Variants in ZNF85 observed in about 807,000 individuals in gnomAD.
The protein encoded by ZNF85 is zinc finger protein 85 (HPF4, HTF1).
A neutral mutation model predicts 53.9 loss-of-function variants in ZNF85; 50 were observed. The observed-to-expected ratio is 0.93, with a 90% CI of 0.74 to 1.17. ZNF85 has a LOEUF of 1.17. ZNF85 is among the 50% of genes most tolerant of loss of function. The pLI, the probability that ZNF85 is intolerant of heterozygous loss-of-function variation, is 0.00. For missense variants in ZNF85, 747 were observed against 688.5 expected (o/e 1.08, Z -0.95); for synonymous variants, 225 against 226.1 (o/e 1.00, Z 0.04).
chr19:20,936,240 A>C (rs893067927), intron 3 of ZNF85, among the ~76,000 whole-genome samples: 24 of 151,940 alleles, frequency 1.6e-4, no homozygotes, highest in Non-Finnish European at 2.5e-4. Context: ...TATATGATCT[A>C]CAACCAGCAA....
intron 3 of ZNF85, among the ~76,000 whole-genome samples, chr19:20,940,166 G>T (rs1165842289): frequency 6.7e-6 from 1 of 149,486 alleles, no homozygotes; most frequent in Non-Finnish European, 1.5e-5. Context: ...ATTCTATATT[G>T]TTTTCAGTTT....
Position 20,949,765 on chromosome 19 carries a change from GAT to G in ZNF85, c.1253_1254del (p.Ile418AsnfsTer11). 6.2e-7 allele frequency: 1 copy of G among 1,611,732 alleles called. No individual in the cohort carries two copies. The highest frequency in any genetic ancestry group is 8.5e-7 in the Non-Finnish European group (1 of 1,179,018). On this transcript the variant is annotated frameshift_variant, in exon 4 of 4. Transcript: ENST00000328178. LOFTEE classifies it high-confidence loss of function. ...KHSSTLTKHK[I>X]IHTGEKPYKC... ...ACTCTTCAACCCTTACTAAACATAA[GAT>G]AATTCATACTGGAGAGAAGCCTTAC...
At chr19:20,930,147 T>G (rs950052521) in intron 1 of ZNF85, among the ~76,000 whole-genome samples, 3 of 82,054 alleles carry the variant, frequency 3.7e-5, no homozygotes, top group Admixed American at 1.2e-4. Context: ...AAAAAAGAAA[T>G]CAGAGTTTTT....
chr19:20,923,301 T>A lies in ZNF85; in HGVS notation c.-100T>A. 6.3e-7 allele frequency: 1 copy of A among 1,582,670 alleles called. No individual in the cohort carries two copies. ...GCTCTAGGTCTTGTTTTCCCTGCTT[T>A]GTGTTTTCTGCTCGTGGACGCCCAG... is the stretch of plus-strand genomic sequence containing the variant. On this transcript the variant is annotated 5_prime_UTR_variant, in exon 1 of 4. Coordinates refer to ENST00000328178, the MANE Select transcript of ZNF85 (RefSeq NM_003429.5).
intron 2 of ZNF85, among the ~76,000 whole-genome samples, chr19:20,934,744 T>A (rs1973115006): frequency 7.3e-6 from 1 of 137,320 alleles, no homozygotes; most frequent in Non-Finnish European, 1.5e-5. Flanking sequence ...GCCATTGCAC[T>A]CCAGCCTGGG....
Position 20,949,776 on chromosome 19 carries a change from CT to C in ZNF85, c.1263del (p.Gly422GlufsTer81). ...CTTACTAAACATAAGATAATTCATA[CT>C]GGAGAGAAGCCTTACAAATGTAAAG... is the stretch of plus-strand genomic sequence containing the variant. ...STLTKHKIIHTGEKPYKCKEC... is the reference protein window; with the variant it reads ...STLTKHKIIHXGEKPYKCKEC... On this transcript the variant is annotated frameshift_variant, in exon 4 of 4. Transcript: ENST00000328178. LOFTEE classifies it high-confidence loss of function. 1 of 1,611,728 alleles carries C rather than the reference CT, an allele frequency of 6.2e-7. No homozygotes were observed. Among genetic ancestry groups the C allele is most frequent in the South Asian group, 1.1e-5 (1 of 90,758 alleles).
intron 1 of ZNF85, among the ~76,000 whole-genome samples, chr19:20,930,896 C>T (rs1251382658): frequency 1.3e-5 from 2 of 152,152 alleles, no homozygotes; most frequent in Admixed American, 6.5e-5. Context: ...CCTCAGCCTC[C>T]CTAGTAGCTG....
intron 3 of ZNF85, among the ~76,000 whole-genome samples, chr19:20,941,200 G>T (rs1281886442): frequency 6.6e-6 from 1 of 152,150 alleles, no homozygotes; most frequent in Non-Finnish European, 1.5e-5. Context: ...TGGGTGTGAA[G>T]TGATTTTGTT....
At chr19:20,935,957 AATTT>A (rs1396673846) in intron 3 of ZNF85, among the ~76,000 whole-genome samples, 3 of 152,166 alleles carry the variant, frequency 2.0e-5, no homozygotes, top group East Asian at 1.9e-4. Context: ...AATATTTTAA[AATTT>A]ATTTGTGTCT....
chr19:20,940,753 T>C (rs1973277012), intron 3 of ZNF85, among the ~76,000 whole-genome samples: 1 of 152,212 alleles, frequency 6.6e-6, no homozygotes, highest in South Asian at 2.1e-4. Context: ...TGGAATAATA[T>C]AGTATCTATA....
At chr19:20,945,107 T>C (rs1378590279) in intron 3 of ZNF85, among the ~76,000 whole-genome samples, 3 of 149,624 alleles carry the variant, frequency 2.0e-5, no homozygotes, top group African/African-American at 7.3e-5. Context: ...CTATCATTAC[T>C]CTGTATCTTA....
intron 1 of ZNF85, among the ~76,000 whole-genome samples, chr19:20,924,812 ATC>A (rs1288058668): frequency 2.0e-5 from 3 of 152,334 alleles, no homozygotes; most frequent in Admixed American, 2.0e-4. Flanking sequence ...TTGTAAAAAA[ATC>A]TCTGTGTCTC....
chr19:20,944,946 T>C (rs1599445488), intron 3 of ZNF85, among the ~76,000 whole-genome samples: 2 of 152,264 alleles, frequency 1.3e-5, no homozygotes, highest in Admixed American at 1.3e-4. Flanking sequence ...CTATAACTTG[T>C]GTATTTATTG....
intron 1 of ZNF85, among the ~76,000 whole-genome samples, chr19:20,924,546 T>C (rs117196978): frequency 0.024 from 3,673 of 152,302 alleles, 68 homozygotes; most frequent in Middle Eastern, 0.068. Context: ...GGGTCTCAAG[T>C]CTACTTCTTA....
intron 3 of ZNF85, among the ~76,000 whole-genome samples, chr19:20,941,945 G>A (rs1259931687): frequency 2.0e-5 from 3 of 151,852 alleles, no homozygotes; most frequent in Admixed American, 6.6e-5. Context: ...TTCATATGTG[G>A]TTCAAGGATA....
At chr19:20,942,438 G>A (rs928659725) in intron 3 of ZNF85, among the ~76,000 whole-genome samples, 1 of 151,992 alleles carries the variant, frequency 6.6e-6, no homozygotes, top group African/African-American at 2.4e-5. Context: ...CACCTTGCTG[G>A]CCTATTATGT....
At chr19:20,947,852 T>A (rs73021516) in intron 3 of ZNF85, among the ~76,000 whole-genome samples, 17,155 of 151,916 alleles carry the variant, frequency 0.11, 1,004 homozygotes, top group Non-Finnish European at 0.13. Flanking sequence ...AATTTTCAAT[T>A]GTTGTCTGTG....
chr19:20,934,349 T>C (rs1312665005), intron 2 of ZNF85, among the ~76,000 whole-genome samples, 199 bp downstream of exon 2: 1 of 152,236 alleles, frequency 6.6e-6, no homozygotes, highest in East Asian at 1.9e-4. Context: ...TCCAAATTTC[T>C]GAGCTGATCT....
At chr19:20,947,551 T>C (rs1973453453) in intron 3 of ZNF85, among the ~76,000 whole-genome samples, 2 of 146,484 alleles carry the variant, frequency 1.4e-5, no homozygotes, top group South Asian at 4.3e-4. Flanking sequence ...ATCACATAGT[T>C]CCCTTCTCGC....
Sources: allele counts gnomAD v4.1 joint callset (sites outside exome capture counted in the v4.1 genomes callset), GRCh38; gene constraint gnomAD v4.1.1; transcripts MANE v1.5; gene names NCBI Gene and HGNC (gene_info 2026-07-23, HGNC 2026-07-21).